Variants in TENM3 observed in about 807,000 individuals in gnomAD.
TENM3 encodes teneurin transmembrane protein 3, also known as teneurin-3.
A neutral mutation model predicts 255.1 loss-of-function variants in TENM3; 63 were observed. The observed-to-expected ratio is 0.25, with a 90% CI of 0.20 to 0.30. TENM3 has a LOEUF of 0.30. TENM3 is among the 10% of genes least tolerant of loss of function. TENM3 has a pLI of 1.00. For synonymous variants in TENM3, 1,306 were observed against 1,322.3 expected (o/e 0.99, Z 0.27); for missense variants, 2,929 against 3,461.1 (o/e 0.85, Z 3.86).
Position 182,610,625 on chromosome 4 carries a change from A to G in TENM3, c.749+9464A>G, listed in dbSNP as rs572880968. Among the ~76,000 whole-genome samples, 18 of 152,264 alleles carry G rather than the reference A, an allele frequency of 1.2e-4. No individual in the cohort carries two copies. The East Asian group carries it at 2.5e-3, about 21-fold the overall frequency. ...TTGAGCTCAGGAGCTCCAGGCTGCA[A>G]TGAGCTATGATCGCACCACTGTCCT... is the stretch of plus-strand genomic sequence containing the variant. On this transcript the variant is annotated intron_variant, in intron 4 of 27. Coordinates refer to ENST00000511685, the MANE Select transcript of TENM3 (RefSeq NM_001080477.4).
the TENM3 span, among the ~76,000 whole-genome samples, chr4:182,048,160 G>C: frequency 2.0e-5 from 3 of 152,082 alleles, no homozygotes; most frequent in African/African-American, 7.2e-5. Context: ...TTTTAGCAAA[G>C]TTCCTTATTG....
At chr4:181,800,052 T>A in the TENM3 span, among the ~76,000 whole-genome samples, 10 of 152,208 alleles carry the variant, frequency 6.6e-5, no homozygotes, top group Admixed American at 1.3e-4. Context: ...AGCTTCTGGT[T>A]CTTCAAAAAA....
Position 182,483,058 on chromosome 4 carries a change from T to C in TENM3, c.512-117866T>C, listed in dbSNP as rs186715811. Among the ~76,000 whole-genome samples the C allele has an allele frequency of 9.0e-5, 12 of 132,966 alleles. No individual in the cohort carries two copies. The East Asian group carries it at 3.2e-3, about 36-fold the overall frequency. The allele number at this position is 132,966 out of a possible 152,430, so 87.2% of individuals were successfully genotyped here. A position where few individuals can be genotyped will look rare whatever the true frequency, so the allele number is the denominator to read the frequency against. On this transcript the variant is annotated intron_variant, in intron 3 of 27. Transcript: ENST00000511685. ...AAAGAACATGTTTGTTCTTCAGCTA[T>C]TTTTTTCTTTACGGAGCATATCATC... is the stretch of plus-strand genomic sequence containing the variant.
chr4:182,345,265 A>C (rs1386158689), intron 2 of TENM3, among the ~76,000 whole-genome samples: 1 of 152,216 alleles, frequency 6.6e-6, no homozygotes, highest in Non-Finnish European at 1.5e-5. Flanking sequence ...TTTACAACCC[A>C]ATATTTACTA....
At chr4:182,468,945 T>G (rs1311556175) in intron 3 of TENM3, among the ~76,000 whole-genome samples, 1 of 151,846 alleles carries the variant, frequency 6.6e-6, no homozygotes, top group Non-Finnish European at 1.5e-5. Flanking sequence ...TTTATCTATA[T>G]TTTGAACTAT....
chr4:182,098,454 A>G, the TENM3 span, among the ~76,000 whole-genome samples: 1 of 152,210 alleles, frequency 6.6e-6, no homozygotes, highest in East Asian at 1.9e-4. Context: ...CAGAGGATGG[A>G]TAAAGAAAGA....
At chr4:181,529,401 C>T in the TENM3 span, among the ~76,000 whole-genome samples, 1 of 152,186 alleles carries the variant, frequency 6.6e-6, no homozygotes, top group African/African-American at 2.4e-5. Context: ...CTGCTCAATT[C>T]ATGTTTTGCT....
the TENM3 span, among the ~76,000 whole-genome samples, chr4:181,781,951 G>A: frequency 6.6e-6 from 1 of 152,184 alleles, no homozygotes; most frequent in Non-Finnish European, 1.5e-5. Flanking sequence ...AACCAGCCTT[G>A]CATCCTAGGG....
the TENM3 span, among the ~76,000 whole-genome samples, chr4:182,061,543 G>A: frequency 2.0e-5 from 3 of 151,916 alleles, no homozygotes; most frequent in Non-Finnish European, 4.4e-5. Context: ...CCCCTCCTCC[G>A]AAACTTTATA....
At chr4:181,706,996 ACTT>A in the TENM3 span, among the ~76,000 whole-genome samples, 4 of 152,272 alleles carry the variant, frequency 2.6e-5, no homozygotes, top group East Asian at 1.9e-4. Flanking sequence ...AATGTGTCTC[ACTT>A]CTTCATCTTC....
intron 4 of TENM3, among the ~76,000 whole-genome samples, chr4:182,628,389 A>C (rs1343447626): frequency 6.6e-6 from 1 of 152,224 alleles, no homozygotes; most frequent in Non-Finnish European, 1.5e-5. Flanking sequence ...TTGAAGGGAC[A>C]GTGATCATTT....
At chr4:181,512,494 AG>A in the TENM3 span, among the ~76,000 whole-genome samples, 1 of 152,210 alleles carries the variant, frequency 6.6e-6, no homozygotes, top group Non-Finnish European at 1.5e-5. Context: ...ATTGTAACTC[AG>A]ACTTTCATGC....
In TENM3 at chr4:182,800,281, A is replaced by T; in HGVS notation, c.8030A>T (p.Gln2677Leu). The T allele has an allele frequency of 6.3e-7, 1 of 1,581,168 alleles. No individual in the cohort carries two copies. The highest frequency in any genetic ancestry group is 8.5e-7 in the Non-Finnish European group (1 of 1,172,698). The stretch of plus-strand genomic sequence containing the variant: ...GGGTACTACGTACTCTCGGTGGAGC[A>T]GTACCCCGAGCTGGCCGACAGCGCC... ...YDGYYVLSVE[Q>L]YPELADSANN... The change falls in exon 28 of 28, where the codon CAG becomes CTG. Residue 2677 changes from glutamine to leucine, a missense_variant. Gln to Leu is a moderately radical substitution (Grantham distance 113). Transcript: ENST00000511685.
chr4:182,611,451 C>T (rs1051758402), intron 4 of TENM3, among the ~76,000 whole-genome samples: 1 of 150,952 alleles, frequency 6.6e-6, no homozygotes, highest in African/African-American at 2.4e-5. Flanking sequence ...CTAATCATAC[C>T]ATATTTTTCA....
chr4:182,785,300 G>C (rs1345514073), intron 24 of TENM3, among the ~76,000 whole-genome samples: 1 of 151,906 alleles, frequency 6.6e-6, no homozygotes. Flanking sequence ...TCAAACTGCT[G>C]ACCTTAAGTG....
intron 7 of TENM3, among the ~76,000 whole-genome samples, chr4:182,677,608 A>G (rs546342095): frequency 1.3e-5 from 2 of 152,290 alleles, no homozygotes; most frequent in Non-Finnish European, 2.9e-5. Flanking sequence ...ATTCCAGTCA[A>G]ATTTTATAGG....
At chr4:181,720,892 C>T in the TENM3 span, among the ~76,000 whole-genome samples, 2 of 151,982 alleles carry the variant, frequency 1.3e-5, no homozygotes, top group African/African-American at 2.4e-5. Flanking sequence ...GAAGAGCTAG[C>T]GAAAGATCCA....
chr4:181,865,229 T>C, the TENM3 span, among the ~76,000 whole-genome samples: 1 of 152,344 alleles, frequency 6.6e-6, no homozygotes, highest in Admixed American at 6.5e-5. Flanking sequence ...GGGATTTAGA[T>C]CTTACTAGCT....
chr4:182,098,955 C>CTTTTTTT, the TENM3 span, among the ~76,000 whole-genome samples: 48 of 133,826 alleles, frequency 3.6e-4, 1 homozygote, highest in African/African-American at 5.2e-4. Flanking sequence ...GTGCACAACT[C>CTTTTTTT]TTTTTTTCTT....
Sources: gnomAD v4.1 joint callset for allele counts (sites outside exome capture counted in the v4.1 genomes callset) on GRCh38, gnomAD v4.1.1 for gene constraint, MANE v1.5 for transcripts, NCBI Gene and HGNC (gene_info 2026-07-23, HGNC 2026-07-21) for gene names.